LRP1B: variants seen among roughly 807,000 people sequenced by gnomAD.
LRP1B encodes low-density lipoprotein receptor-related protein 1B.
Under a neutral mutation model 556.6 loss-of-function variants are expected in LRP1B, and 217 were observed. The ratio of observed to expected loss-of-function variants is 0.39; its 90% CI spans 0.35 to 0.44. The LOEUF is 0.44. Among genes scored for constraint, LRP1B ranks in the 20% least tolerant of loss-of-function variants. LRP1B has a pLI of 1.00. For synonymous variants in LRP1B, 2,047 were observed against 1,865.8 expected (o/e 1.10, Z -2.50); for missense variants, 5,053 against 5,620.8 (o/e 0.90, Z 3.23).
chr2:142,027,107 G>A (rs35233032), intron 1 of LRP1B, among the ~76,000 whole-genome samples: 44,944 of 151,752 alleles, frequency 0.3, 7,033 homozygotes, highest in Middle Eastern at 0.48. Flanking sequence ...ATCTGCATGC[G>A]CTTTGTGGGT....
chr2:140,302,888 C>G (rs572076155), intron 83 of LRP1B, among the ~76,000 whole-genome samples: 1 of 151,498 alleles, frequency 6.6e-6, no homozygotes, highest in South Asian at 2.1e-4. Flanking sequence ...CTTAGTTCTC[C>G]GATTTTTAGA....
chr2:140,834,517 C>T (rs577055783), intron 31 of LRP1B, among the ~76,000 whole-genome samples: 4 of 152,276 alleles, frequency 2.6e-5, no homozygotes, highest in East Asian at 3.9e-4. Context: ...GGATTACAAG[C>T]GTGAGCCCCC....
Position 141,347,736 on chromosome 2 carries a change from G to T in LRP1B, c.344-93095C>A, listed in dbSNP as rs187173838. On this transcript the variant is annotated intron_variant, in intron 3 of 90. Coordinates refer to ENST00000389484, the MANE Select transcript of LRP1B (RefSeq NM_018557.3). ...AACTACAGTGTATTTCTGATGAAGAGTAGTTATTCAGCTACTAATATTTTC... is the reference window on the plus strand; with the variant it reads ...AACTACAGTGTATTTCTGATGAAGATTAGTTATTCAGCTACTAATATTTTC... Among the ~76,000 whole-genome samples the T allele has an allele frequency of 1.5e-3, 224 of 152,032 alleles. 1 individual carries two copies. The highest frequency in any genetic ancestry group is 5.1e-3 in the African/African-American group (210 of 41,450).
At chr2:140,739,604 A>G (rs1453747363) in intron 35 of LRP1B, among the ~76,000 whole-genome samples, 2 of 152,212 alleles carry the variant, frequency 1.3e-5, no homozygotes, top group African/African-American at 2.4e-5. Flanking sequence ...TGTTCATCAA[A>G]TCTCTACAAT....
In LRP1B at chr2:140,693,845, T is replaced by C. The variant is rs117762759; in HGVS notation, c.6799+6405A>G. Among the ~76,000 whole-genome samples, 450 of 152,152 alleles carry C rather than the reference T, an allele frequency of 3.0e-3. 16 individuals are homozygous for C. The East Asian group carries it at 0.058, about 20-fold the overall frequency. ...ATCTCAGCCTCCTGAGTAGCTGGAA[T>C]TGCAGGCATACGACAACATGCCCAG... On this transcript the variant is annotated intron_variant, in intron 41 of 90. Transcript: ENST00000389484.
At chr2:141,757,021 T>C (rs1677952513) in intron 2 of LRP1B, among the ~76,000 whole-genome samples, 1 of 152,102 alleles carries the variant, frequency 6.6e-6, no homozygotes, top group Non-Finnish European at 1.5e-5. Flanking sequence ...AAAACTATTA[T>C]TTTTGCCTTT....
At chr2:141,674,406 G>A (rs1304554453) in intron 2 of LRP1B, among the ~76,000 whole-genome samples, 4 of 151,878 alleles carry the variant, frequency 2.6e-5, no homozygotes, top group African/African-American at 9.7e-5. Flanking sequence ...CCCATCTCTT[G>A]TCTTCTTAAG....
intron 2 of LRP1B, among the ~76,000 whole-genome samples, chr2:141,744,642 A>C (rs1302260447): frequency 6.6e-6 from 1 of 152,040 alleles, no homozygotes; most frequent in Non-Finnish European, 1.5e-5. Context: ...GCTATTTTGA[A>C]TTTTCTGTCT....
intron 14 of LRP1B, among the ~76,000 whole-genome samples, chr2:141,010,292 A>G (rs910858001): frequency 6.6e-6 from 1 of 152,060 alleles, no homozygotes; most frequent in African/African-American, 2.4e-5. Flanking sequence ...TGAGGAGGAG[A>G]AGAAAAAAGC....
At chr2:142,045,270 A>G (rs1704217235) in intron 1 of LRP1B, among the ~76,000 whole-genome samples, 1 of 151,822 alleles carries the variant, frequency 6.6e-6, no homozygotes, top group Non-Finnish European at 1.5e-5. Flanking sequence ...CTTTTAAATC[A>G]CTTCTATTCC....
At chr2:140,240,404 G>A (rs1277965089) in intron 87 of LRP1B, among the ~76,000 whole-genome samples, 1 of 150,620 alleles carries the variant, frequency 6.6e-6, no homozygotes, top group Non-Finnish European at 1.5e-5. Context: ...CAAAATGGAG[G>A]AGACTTGGTT....
intron 2 of LRP1B, among the ~76,000 whole-genome samples, chr2:141,481,444 C>T (rs1024375092): frequency 6.6e-6 from 1 of 152,178 alleles, no homozygotes; most frequent in African/African-American, 2.4e-5. Context: ...ATTAATCTGA[C>T]ATAGATTATT....
At chr2:141,798,192 TG>T (rs1260740124) in intron 2 of LRP1B, among the ~76,000 whole-genome samples, 7 of 152,130 alleles carry the variant, frequency 4.6e-5, no homozygotes, top group African/African-American at 1.7e-4. Context: ...AATGTATGCG[TG>T]ATGTGAACAT....
intron 35 of LRP1B, among the ~76,000 whole-genome samples, chr2:140,731,215 G>C (rs1434805149): frequency 1.3e-5 from 2 of 152,078 alleles, no homozygotes; most frequent in African/African-American, 2.4e-5. Context: ...TCTCTCTATA[G>C]TTATACTTTA....
chr2:141,773,595 C>A (rs1438534695), intron 2 of LRP1B, among the ~76,000 whole-genome samples: 2 of 152,232 alleles, frequency 1.3e-5, no homozygotes, highest in East Asian at 3.9e-4. Context: ...AGACATGGCA[C>A]CTCTTTTAGA....
chr2:140,971,296 C>T (rs549439665), intron 18 of LRP1B, among the ~76,000 whole-genome samples: 2 of 151,966 alleles, frequency 1.3e-5, no homozygotes, highest in African/African-American at 4.8e-5. Context: ...AGTTATGTTG[C>T]CCCAAGCCAA....
chr2:141,209,759 A>C (rs1682462214), intron 6 of LRP1B, among the ~76,000 whole-genome samples: 1 of 152,162 alleles, frequency 6.6e-6, no homozygotes, highest in Non-Finnish European at 1.5e-5. Context: ...AAGGAAAAAG[A>C]AAAGGAGAAA....
intron 69 of LRP1B, 83 bp downstream of exon 69, chr2:140,372,923 ACT>A (rs1249304518): frequency 4.6e-5 from 65 of 1,412,842 alleles, no homozygotes; most frequent in Middle Eastern, 1.8e-4. Flanking sequence ...CATATTTGCC[ACT>A]GTTTTCTGCA....
At chr2:141,906,833 A>G (rs1025240098) in intron 1 of LRP1B, among the ~76,000 whole-genome samples, 1 of 152,040 alleles carries the variant, frequency 6.6e-6, no homozygotes, top group Non-Finnish European at 1.5e-5. Flanking sequence ...TTGTAAAACT[A>G]GATACAGCAT....
Sources: gnomAD v4.1 joint callset for allele counts (sites outside exome capture counted in the v4.1 genomes callset) on GRCh38, gnomAD v4.1.1 for gene constraint, MANE v1.5 for transcripts, NCBI Gene and HGNC (gene_info 2026-07-23, HGNC 2026-07-21) for gene names.